Variants in PACS1 observed in about 807,000 individuals in gnomAD.
PACS1 encodes phosphofurin acidic cluster sorting protein 1, also known as PACS-1.
In PACS1, 24 loss-of-function variants were observed where a neutral mutation model predicts 115.0. The ratio of observed to expected loss-of-function variants is 0.21; its 90% CI spans 0.15 to 0.29. The LOEUF is 0.29. PACS1 is among the 10% of genes least tolerant of loss of function. The pLI is 1.00. For synonymous variants in PACS1, 453 were observed against 504.5 expected (o/e 0.90, Z 1.37); for missense variants, 838 against 1,251.2 (o/e 0.67, Z 4.98).
chr11:66,152,963 C>T, intron 1 of PACS1, among the ~76,000 whole-genome samples: 1 of 152,130 alleles, frequency 6.6e-6, no homozygotes, highest in East Asian at 1.9e-4. Context: ...GAATTCATCA[C>T]CAGCAGACTT....
intron 1 of PACS1, among the ~76,000 whole-genome samples, chr11:66,077,828 G>A (rs984033967): frequency 1.3e-4 from 19 of 149,362 alleles, no homozygotes; most frequent in Middle Eastern, 3.5e-3. Flanking sequence ...TCAGCCTCCC[G>A]AGTAGCTGGG....
chr11:66,120,322 C>A (rs1590757904), intron 1 of PACS1, among the ~76,000 whole-genome samples: 1 of 152,024 alleles, frequency 6.6e-6, no homozygotes, highest in Admixed American at 6.6e-5. Context: ...TTCTTGAACT[C>A]CTGACCTCAA....
In PACS1 at chr11:66,070,656, C is replaced by A; in HGVS notation, c.170C>A (p.Ser57Tyr). The A allele has an allele frequency of 6.4e-7, 1 of 1,566,352 alleles. No homozygotes were observed. Among genetic ancestry groups the A allele is most frequent in the Non-Finnish European group, 8.6e-7 (1 of 1,162,628 alleles). Residue 57 changes from serine (S) to tyrosine (Y), a missense_variant, in exon 1 of 24, where the codon TCC (serine) becomes TAC (tyrosine). Physicochemically the swap from Ser to Tyr is moderately radical, Grantham distance 144. Transcript: ENST00000320580. The surrounding 1 kb of genome is among the most constrained non-coding windows in gnomAD (Gnocchi z 5.9). ...AAGCTGGCCCAGGCCACCTCGTCGT[C>A]CTCGTCCACCTCGGCGGCGGCTGCC... The part of the protein sequence containing the change: ...PPKLAQATSS[S>Y]SSTSAAAASS...
chr11:66,220,881 C>A, intron 9 of PACS1, 90 bp downstream of exon 9: 1 of 1,378,268 alleles, frequency 7.3e-7, no homozygotes, highest in Non-Finnish European at 1.0e-6. Context: ...CCTCTATTAC[C>A]AGAGAATCTT....
intron 1 of PACS1, among the ~76,000 whole-genome samples, chr11:66,152,751 A>G (rs566706438): frequency 2.0e-5 from 3 of 152,350 alleles, no homozygotes; most frequent in Admixed American, 1.3e-4. Flanking sequence ...AAGCAGGTAG[A>G]GAAAAGTGAC....
At chr11:66,223,176 T>G (rs1855395197) in intron 10 of PACS1, among the ~76,000 whole-genome samples, 1 of 152,068 alleles carries the variant, frequency 6.6e-6, no homozygotes. Context: ...CACTGCAACT[T>G]TCACCTCCCG....
intron 11 of PACS1, among the ~76,000 whole-genome samples, chr11:66,228,946 G>A (rs192887669): frequency 2.6e-4 from 40 of 152,146 alleles, no homozygotes; most frequent in Admixed American, 1.1e-3. Context: ...GCAGGTGTGC[G>A]GCCTGTATTG....
At chr11:66,216,865 C>CTTTTTTTTTTTTTTTTTTTTTTTTTT in intron 7 of PACS1, 90 bp downstream of exon 7, 2 of 818,120 alleles carry the variant, frequency 2.4e-6, no homozygotes, top group Non-Finnish European at 2.1e-6. Flanking sequence ...GTGGAGACTT[C>CTTTTTTTTTTTTTTTTTTTTTTTTTT]TTAAAATCAA....
chr11:66,115,238 G>A (rs970826135), intron 1 of PACS1, among the ~76,000 whole-genome samples: 1 of 150,108 alleles, frequency 6.7e-6, no homozygotes, highest in Admixed American at 6.7e-5. Flanking sequence ...AACTAGAACA[G>A]TGACCTTTGG....
chr11:66,158,422 G>C (rs1190882913), intron 1 of PACS1, among the ~76,000 whole-genome samples: 2 of 152,256 alleles, frequency 1.3e-5, no homozygotes, highest in Admixed American at 6.5e-5. Context: ...GATAGGCCGG[G>C]CGTGGTGGCT....
chr11:66,120,083 C>A (rs374915510), intron 1 of PACS1, among the ~76,000 whole-genome samples: 1 of 150,970 alleles, frequency 6.6e-6, no homozygotes, highest in Non-Finnish European at 1.5e-5. Flanking sequence ...AGATCATATT[C>A]TTAAAACTCT....
At chr11:66,193,457 G>C in intron 1 of PACS1, 29 bp from the exon 2 acceptor site, 1 of 1,507,028 alleles carries the variant, frequency 6.6e-7, no homozygotes. Context: ...CCTCGCATAT[G>C]ACAGCATCTT....
intron 1 of PACS1, among the ~76,000 whole-genome samples, chr11:66,120,768 T>TG (rs1187568871): frequency 6.6e-6 from 1 of 152,218 alleles, no homozygotes; most frequent in Non-Finnish European, 1.5e-5. Flanking sequence ...GGTACCTAAG[T>TG]AGTGCCACTC....
At chr11:66,187,494 G>C (rs1280696664) in intron 1 of PACS1, among the ~76,000 whole-genome samples, 1 of 152,116 alleles carries the variant, frequency 6.6e-6, no homozygotes, top group Non-Finnish European at 1.5e-5. Context: ...GGTATCATCT[G>C]TTCTACTTTT....
intron 1 of PACS1, among the ~76,000 whole-genome samples, chr11:66,128,434 G>C (rs1198354551): frequency 6.6e-6 from 1 of 152,168 alleles, no homozygotes; most frequent in African/African-American, 2.4e-5. Context: ...ATTTGCTTCA[G>C]AATAGCCCAG....
chr11:66,165,605 T>A (rs1167343191), intron 1 of PACS1, among the ~76,000 whole-genome samples: 1 of 152,114 alleles, frequency 6.6e-6, no homozygotes, highest in East Asian at 1.9e-4. Context: ...CCAAAACTTC[T>A]CCCAGTCTCC....
Position 66,216,900 on chromosome 11 carries a change from C to G in PACS1, c.978+125C>G. ...ACACAGGGTCATCCCTTCAACGATT[C>G]CAATGAACGCTCTATATCCTCACCA... is the stretch of plus-strand genomic sequence containing the variant. On this transcript the variant is annotated intron_variant, in intron 7 of 23. Coordinates refer to ENST00000320580, the MANE Select transcript of PACS1 (RefSeq NM_018026.4). 4 of 623,340 alleles carry G rather than the reference C, an allele frequency of 6.4e-6. 1 individual carries two copies. The South Asian group carries it at 7.2e-5, about 11-fold the overall frequency. 38.6% of individuals were successfully genotyped at this position (623,340 alleles called of 1,614,324 possible). A position where few individuals can be genotyped will look rare whatever the true frequency, so the allele number is the denominator to read the frequency against.
At chr11:66,180,513 C>G (rs1336216466) in intron 1 of PACS1, among the ~76,000 whole-genome samples, 1 of 151,982 alleles carries the variant, frequency 6.6e-6, no homozygotes, top group Non-Finnish European at 1.5e-5. Flanking sequence ...CACCACCACG[C>G]CTAGCTAATT....
intron 1 of PACS1, among the ~76,000 whole-genome samples, chr11:66,111,581 C>T (rs1419070996): frequency 6.6e-6 from 1 of 152,216 alleles, no homozygotes; most frequent in Non-Finnish European, 1.5e-5. Flanking sequence ...CCACCTCAGT[C>T]AACTATATTA....
Sources: gnomAD v4.1 joint callset for allele counts (sites outside exome capture counted in the v4.1 genomes callset) on GRCh38, gnomAD v4.1.1 for gene constraint, Gnocchi (gnomAD v3.1) non-coding constraint, MANE v1.5 for transcripts, NCBI Gene and HGNC (gene_info 2026-07-23, HGNC 2026-07-21) for gene names.